Variants in CFAP65 observed in about 807,000 individuals in gnomAD.
CFAP65 encodes the protein cilia- and flagella-associated protein 65.
Under a neutral mutation model 208.0 loss-of-function variants are expected in CFAP65, and 155 were observed. That is an observed-to-expected ratio of 0.75 (90% CI 0.65 to 0.85). The LOEUF (loss-of-function observed/expected upper bound fraction) is 0.85. Ranked by LOEUF, CFAP65 falls within the 40% of genes least tolerant of loss-of-function variation. The pLI is 0.00. For missense variants in CFAP65, 2,294 were observed against 2,451.3 expected (o/e 0.94, Z 1.36); for synonymous variants, 970 against 986.3 (o/e 0.98, Z 0.31).
intron 16 of CFAP65, 108 bp downstream of exon 16, chr2:219,023,099 G>A: frequency 1.1e-6 from 1 of 879,014 alleles, no homozygotes; most frequent in Non-Finnish European, 1.8e-6. Context: ...GGAAGTTACT[G>A]TGGATGGAAT....
Position 219,011,989 on chromosome 2 carries a change from T to C in CFAP65, c.3958-993A>G, listed in dbSNP as rs1226605343. ...CTCACAAGTGGGATTAGTGCCCTTA[T>C]AAAAGAGGCCTGTGGAAGCTTGTTT... On this transcript the variant is annotated intron_variant, in intron 24 of 34. Transcript: ENST00000341552. Among the ~76,000 whole-genome samples the C allele has an allele frequency of 2.0e-5, 3 of 152,224 alleles. No homozygotes were observed. The East Asian group carries it at 5.8e-4, about 29-fold the overall frequency.
rs548485782 is a variant in CFAP65, at chr2:219,029,451, A to G, written c.1602T>C (p.Thr534=). The G allele has an allele frequency of 4.2e-5, 67 of 1,614,098 alleles. No homozygotes were observed. In the Middle Eastern group the frequency reaches 8.2e-4, roughly 20 times the overall value. Residue 534 remains threonine (T), a synonymous_variant, in exon 11 of 35, where the codon ACT becomes ACC. Coordinates refer to ENST00000341552, the MANE Select transcript of CFAP65 (RefSeq NM_194302.4). The part of the protein sequence containing the change: ...RMTLHCAFQP[T]HPIICFRRVA... ...CACGCCGAAAGCAGATGATGGGGTG[A>G]GTGGGCTGGAAGGCACAGTGCAGGG...
chr2:219,024,142 C>A lies in CFAP65; in HGVS notation c.2468G>T (p.Arg823Leu). Residue 823 changes from arginine to leucine, a missense_variant, in exon 15 of 35, where the codon CGG becomes CTG. Around this residue, in one of 2 missense-constraint regions of CFAP65, gnomAD observed 1,427 missense variants for 1,438.7 expected, o/e 0.99. Transcript: ENST00000341552. ...APQRGSDVIL[R>L]PTSGLVAPGA... ...GGGTGCCACAAGGCCCGAAGTGGGC[C>A]GAAGGATGACGTCTGAGCCTCTCTG... 1 of 1,613,984 alleles carries A rather than the reference C, an allele frequency of 6.2e-7. No homozygotes were observed. The highest frequency in any genetic ancestry group is 1.1e-5 in the South Asian group (1 of 91,082).
At position 219,013,271 on chromosome 2, in the gene CFAP65, T is replaced by G. The variant is rs1266662977; in HGVS notation, c.3945A>C (p.Leu1315=). 1 of 1,612,170 alleles carries G rather than the reference T, an allele frequency of 6.2e-7. No homozygotes were observed. Among genetic ancestry groups the G allele is most frequent in the Admixed American group, 1.7e-5 (1 of 59,934 alleles). ...QFIPIPIGDT[L]PPRQIYELYN... ...GTGGACCACTGACCTGCCGTGGGGG[T>G]AGCGTGTCACCAATGGGAATGGGGA... is the stretch of plus-strand genomic sequence containing the variant. The change falls in exon 24 of 35, where the codon CTA becomes CTC. Residue 1315 remains leucine, a synonymous_variant. Transcript: ENST00000341552.
At chr2:219,023,554 C>T in intron 15 of CFAP65, 123 bp from the exon 16 acceptor site, 1 of 695,540 alleles carries the variant, frequency 1.4e-6, no homozygotes, top group Non-Finnish European at 2.5e-6. Context: ...CAAAGGCCCT[C>T]TGCCAGCCCG....
In CFAP65 at chr2:219,014,043, C is replaced by A. The variant is rs1435239490; in HGVS notation, c.3604G>T (p.Ala1202Ser). Residue 1202 changes from alanine to serine, a missense_variant and splice_region_variant, in exon 22 of 35, where the codon GCC (alanine) becomes TCC (serine). Ala to Ser is a moderately conservative substitution (Grantham distance 99, BLOSUM62 1). This residue lies in a region of CFAP65 where 1,427 missense variants were observed against 1,438.7 expected (regional missense o/e 0.99). Coordinates refer to ENST00000341552, the MANE Select transcript of CFAP65 (RefSeq NM_194302.4). ...CGCTGGTCACTTGGAAGGAGGAAGG[C>A]CCTGGGAGAGGGGTGCAAAGCCATA... Reference protein sequence around the residue: ...KNSGVVSLDWAFLLPSDQRID... With the variant: ...KNSGVVSLDWSFLLPSDQRID... 3.1e-6 allele frequency: 5 copies of A among 1,607,300 alleles called. No homozygotes were observed. Among genetic ancestry groups the A allele is most frequent in the Non-Finnish European group, 4.3e-6 (5 of 1,176,096 alleles).
chr2:219,024,296 C>G (rs767654609), intron 14 of CFAP65, 36 bp from the exon 15 acceptor site: 1 of 1,584,886 alleles, frequency 6.3e-7, no homozygotes, highest in Non-Finnish European at 8.6e-7. Flanking sequence ...GCCCCCCGCT[C>G]AGACCTCCAC....
chr2:219,016,656 T>C (rs936693359), intron 21 of CFAP65, among the ~76,000 whole-genome samples: 2 of 152,194 alleles, frequency 1.3e-5, no homozygotes, highest in African/African-American at 2.4e-5. Context: ...TGGGCTTCTA[T>C]GCCATCTTGC....
At chr2:219,014,756 A>ACAACGCACACCTGAGAGAAAGCACG (rs1946734520) in intron 21 of CFAP65, 1 of 152,340 alleles carries the variant, frequency 6.6e-6, no homozygotes, top group African/African-American at 2.4e-5. Flanking sequence ...GAGAAAGCGC[A>ACAACGCACACCTGAGAGAAAGCACG]CAACGCACAC....
Position 219,038,476 on chromosome 2 carries a change from C to T in CFAP65, c.256G>A (p.Val86Met), listed in dbSNP as rs572612099. The T allele has an allele frequency of 9.9e-6, 16 of 1,614,128 alleles. No individual in the cohort carries two copies. The highest frequency in any genetic ancestry group is 2.2e-5 in the East Asian group (1 of 44,888). Residue 86 changes from valine (V) to methionine (M), a missense_variant, in exon 4 of 35, where the codon GTG (valine) becomes ATG (methionine). Physicochemically the swap from Val to Met is conservative, Grantham distance 21 (BLOSUM62 1). Transcript: ENST00000341552. ...VRSRNSRNHT[V>M]NSGGSCLSAS... ...CTCAGGCAGGATCCACCAGAGTTCA[C>T]GGTGTGGTTCCTGCTGTTCCTGGAC...
chr2:219,006,879 C>T (rs1313406145), intron 29 of CFAP65, among the ~76,000 whole-genome samples: 9 of 151,964 alleles, frequency 5.9e-5, no homozygotes, highest in Non-Finnish European at 7.4e-5. Flanking sequence ...AGAGACTCCC[C>T]CATTTTGATC....
intron 29 of CFAP65, among the ~76,000 whole-genome samples, 154 bp downstream of exon 29, chr2:219,008,893 A>C (rs1210422656): frequency 6.6e-6 from 1 of 152,210 alleles, no homozygotes; most frequent in Non-Finnish European, 1.5e-5. Context: ...ATGGCTGTGG[A>C]GATGCTAAGC....
chr2:219,003,848 T>G lies in CFAP65; in HGVS notation c.5555+104A>C. On this transcript the variant is annotated intron_variant, in intron 33 of 34. Coordinates refer to ENST00000341552, the MANE Select transcript of CFAP65 (RefSeq NM_194302.4). The surrounding 1 kb of genome is among the most constrained non-coding windows in gnomAD (Gnocchi z 4.4). Reference sequence around the variant, plus strand: ...GACCTCACTAAGCACTGAATTAGGATGAGATGTGCATACAGGCAGCAGCCA... The same window carrying G: ...GACCTCACTAAGCACTGAATTAGGAGGAGATGTGCATACAGGCAGCAGCCA... 3.8e-3 allele frequency: 5,035 copies of G among 1,340,390 alleles called. No homozygotes were observed. The highest frequency in any genetic ancestry group is 4.7e-3 in the Non-Finnish European group (4,591 of 968,706). 83.0% of individuals were successfully genotyped at this position (1,340,390 alleles called of 1,614,324 possible).
rs113340138 is a variant in CFAP65 at position 219,029,068 on chromosome 2, G to A, written c.1650+335C>T. On this transcript the variant is annotated intron_variant, in intron 11 of 34. Coordinates refer to ENST00000341552, the MANE Select transcript of CFAP65 (RefSeq NM_194302.4). ...TGGCTCCAGGGAAGAATTAGTCTGT[G>A]AAGTCATGGAAGGCAAAGAAAAGGC... Among the ~76,000 whole-genome samples, 634 of 152,336 alleles carry A rather than the reference G, an allele frequency of 4.2e-3. 2 individuals are homozygous for A. Among genetic ancestry groups the A allele is most frequent in the African/African-American group, 0.014 (592 of 41,572 alleles).
chr2:219,014,264 C>T (rs1356634308), intron 21 of CFAP65: 2 of 410,342 alleles, frequency 4.9e-6, no homozygotes, highest in South Asian at 7.0e-5. Flanking sequence ...TGGGCCACGG[C>T]GACTCAAGAA....
chr2:219,012,248 C>T (rs1946539325), intron 24 of CFAP65, among the ~76,000 whole-genome samples: 1 of 152,256 alleles, frequency 6.6e-6, no homozygotes, highest in Non-Finnish European at 1.5e-5. Context: ...CCACCTTCTA[C>T]CTGACAAGCC....
At position 219,029,448 on chromosome 2, in the gene CFAP65, G is replaced by T; in HGVS notation, c.1605C>A (p.His535Gln). 1 of 1,614,120 alleles carries T rather than the reference G, an allele frequency of 6.2e-7. No individual in the cohort carries two copies. The highest frequency in any genetic ancestry group is 8.5e-7 in the Non-Finnish European group (1 of 1,180,000). Residue 535 changes from histidine (H) to glutamine (Q), a missense_variant, in exon 11 of 35, where the codon CAC (histidine) becomes CAA (glutamine). By Grantham distance (24) the His-to-Gln change is conservative. Coordinates refer to ENST00000341552, the MANE Select transcript of CFAP65 (RefSeq NM_194302.4). ...MTLHCAFQPT[H>Q]PIICFRRVAC... is the part of the protein sequence containing the mutation. The stretch of plus-strand genomic sequence containing the variant: ...CCACACGCCGAAAGCAGATGATGGG[G>T]TGAGTGGGCTGGAAGGCACAGTGCA...
At chr2:219,039,794 T>G (rs1217417006) in intron 2 of CFAP65, among the ~76,000 whole-genome samples, 1 of 152,248 alleles carries the variant, frequency 6.6e-6, no homozygotes, top group East Asian at 1.9e-4. Context: ...CATCTCAATT[T>G]GGACTACCCA....
chr2:219,038,676 G>T, intron 3 of CFAP65, 98 bp from the exon 4 acceptor site: 1 of 1,256,480 alleles, frequency 8.0e-7, no homozygotes, highest in Non-Finnish European at 1.1e-6. Context: ...GGAGGAGAGG[G>T]TCTGCTTCCC....
Sources: allele counts gnomAD v4.1 joint callset (sites outside exome capture counted in the v4.1 genomes callset), GRCh38; gene constraint gnomAD v4.1.1; regional missense constraint gnomAD v4.1.1; non-coding constraint Gnocchi (gnomAD v3.1); transcripts MANE v1.5; gene names NCBI Gene and HGNC (gene_info 2026-07-23, HGNC 2026-07-21).